The following USP39 variants were observed in gnomAD, a reference collection of about 807,000 sequenced individuals.
The protein encoded by USP39 is ubiquitin carboxyl-terminal hydrolase 39.
Under a neutral mutation model 66.4 loss-of-function variants are expected in USP39, and 38 were observed. That is an observed-to-expected ratio of 0.57 (90% CI 0.44 to 0.75). The LOEUF (loss-of-function observed/expected upper bound fraction) is 0.75. Among genes scored for constraint, USP39 ranks in the 30% least tolerant of loss-of-function variants. USP39 has a pLI of 0.00. For missense variants in USP39, 608 were observed against 714.4 expected, an observed-to-expected ratio of 0.85 and a Z score of 1.70; for synonymous variants, 303 against 274.6, an observed-to-expected ratio of 1.10 and a Z score of -1.02.
upstream of USP39, among the ~76,000 whole-genome samples, chr2:85,615,625 GC>G (rs1271732644): frequency 1.1e-4 from 16 of 152,192 alleles, no homozygotes; most frequent in African/African-American, 3.6e-4. Flanking sequence ...CAAATCTGGG[GC>G]CGAATGACAG....
At position 85,636,076 on chromosome 2, in the gene USP39, T is replaced by C. The variant is rs374381478; in HGVS notation, c.973T>C (p.Trp325Arg). 1.2e-6 allele frequency: 2 copies of C among 1,614,044 alleles called. No homozygotes were observed. The highest frequency in any genetic ancestry group is 1.3e-5 in the African/African-American group (1 of 74,904). The change falls in exon 7 of 13, where the codon TGG (tryptophan) becomes CGG (arginine). Residue 325 changes from tryptophan to arginine, a missense_variant. Around this residue, in one of 6 missense-constraint regions of USP39, gnomAD observed 72 missense variants for 60.1 expected, o/e 1.20. Coordinates refer to ENST00000323701, the MANE Select transcript of USP39 (RefSeq NM_006590.4). ...KQGDGVDFLS[W>R]FLNALHSALG... is the part of the protein sequence containing the mutation. ...AGGAGATGGCGTTGACTTTCTGTCT[T>C]GGTTTCTGAATGCTCTGCACTCAGC...
Position 85,619,215 on chromosome 2 carries a change from T to C in USP39, c.269-5T>C, listed in dbSNP as rs1204532429. 1 of 1,613,822 alleles carries C rather than the reference T, an allele frequency of 6.2e-7. No homozygotes were observed. The highest frequency in any genetic ancestry group is 8.5e-7 in the Non-Finnish European group (1 of 1,179,972). On this transcript the variant is annotated splice_region_variant and splice_polypyrimidine_tract_variant and intron_variant, in intron 1 of 12. Transcript: ENST00000323701. ...TTTCAAAGCCTGTGATGATTTTCCTTTCAGCAAAGAATGGCCGAGTGGATT... is the reference window on the plus strand; with the variant it reads ...TTTCAAAGCCTGTGATGATTTTCCTCTCAGCAAAGAATGGCCGAGTGGATT...
At chr2:85,628,015 A>T (rs1675004825) in intron 5 of USP39, among the ~76,000 whole-genome samples, 1 of 152,070 alleles carries the variant, frequency 6.6e-6, no homozygotes, top group East Asian at 1.9e-4. Flanking sequence ...ATTGGACAAA[A>T]AACTGTAAAG....
chr2:85,616,671 C>T (rs1471034600), intron 1 of USP39, among the ~76,000 whole-genome samples: 7 of 109,132 alleles, frequency 6.4e-5, no homozygotes, highest in Non-Finnish European at 8.5e-5. Context: ...TATAGTATTT[C>T]TTTTTTCTTT....
At chr2:85,648,150 G>A (rs1045642293) in intron 12 of USP39, 134 bp downstream of exon 12, 13 of 803,580 alleles carry the variant, frequency 1.6e-5, no homozygotes, top group African/African-American at 1.0e-4. Flanking sequence ...GAAGTACTTA[G>A]TAGTGAGTTG....
At chr2:85,634,555 C>T (rs755068074) in intron 6 of USP39, among the ~76,000 whole-genome samples, 9 of 152,198 alleles carry the variant, frequency 5.9e-5, no homozygotes, top group Non-Finnish European at 1.5e-5. Flanking sequence ...GCCTGGGTGA[C>T]AGAGTGAGAC....
upstream of USP39, chr2:85,611,423 G>A (rs980060729): frequency 5.9e-5 from 90 of 1,513,720 alleles, 1 homozygote; most frequent in Non-Finnish European, 9.7e-6. Context: ...GGGGCAAACC[G>A]GCAGATAAAC....
intron 8 of USP39, 94 bp downstream of exon 8, chr2:85,637,530 T>C (rs1675866890): frequency 2.1e-6 from 3 of 1,400,918 alleles, no homozygotes; most frequent in Non-Finnish European, 3.0e-6. Context: ...ACAAGCCTGC[T>C]TGCCCTGTGA....
At chr2:85,648,699 T>G in intron 12 of USP39, 62 bp from the exon 13 acceptor site, 1 of 1,578,682 alleles carries the variant, frequency 6.3e-7, no homozygotes, top group Non-Finnish European at 8.7e-7. Context: ...GAATAGGTAT[T>G]TGATAAGTGT....
At chr2:85,632,050 A>G (rs1409549490) in intron 6 of USP39, among the ~76,000 whole-genome samples, 1 of 151,960 alleles carries the variant, frequency 6.6e-6, no homozygotes, top group East Asian at 1.9e-4. Flanking sequence ...CCTCTGATGA[A>G]CTATTTTGAC....
rs552542357 is a variant in USP39 at position 85,616,296 on chromosome 2, G to C, written c.101G>C (p.Arg34Pro). 2 of 1,569,460 alleles carry C rather than the reference G, an allele frequency of 1.3e-6. No homozygotes were observed. The highest frequency in any genetic ancestry group is 1.2e-5 in the South Asian group (1 of 86,726). The change falls in exon 1 of 13, where the codon CGG becomes CCG. Residue 34 changes from arginine to proline, a missense_variant. Physicochemically the swap from Arg to Pro is moderately radical, Grantham distance 103 (BLOSUM62 -2). This residue lies in a region of USP39 where 207 missense variants were observed against 145.7 expected (regional missense o/e 1.42). Transcript: ENST00000323701. ...SSGRVKRERD[R>P]EREPEAASSR... ...GGTCGCGTCAAGCGGGAGCGAGATC[G>C]GGAGCGGGAGCCTGAGGCGGCGAGC...
At position 85,616,483 on chromosome 2, in the gene USP39, GC is replaced by G. The variant is rs774242217; in HGVS notation, c.268+21del. 6.9e-6 allele frequency: 10 copies of G among 1,451,676 alleles called. No individual in the cohort carries two copies. The highest frequency in any genetic ancestry group is 6.4e-6 in the Non-Finnish European group (7 of 1,093,066). The allele number at this position is 1,451,676 out of a possible 1,614,324, so 89.9% of individuals were successfully genotyped here. ...TGCGAGGTGCGCGGGGCCGGGCCGG[GC>G]TAGGCGCGAGAGCCTGTTTTTTTCG... On this transcript the variant is annotated intron_variant, in intron 1 of 12. Coordinates refer to ENST00000323701, the MANE Select transcript of USP39 (RefSeq NM_006590.4).
rs1675254838 is a variant in USP39, at chr2:85,630,741, T to A, written c.744T>A (p.Pro248=). The stretch of plus-strand genomic sequence containing the variant: ...TTTAGGCTCTATCTAATGTTCCTCC[T>A]CTCCGGAACTACTTTCTGGAAGAAG... ...AVLQALSNVP[P]LRNYFLEEDN... Residue 248 remains proline (P), a synonymous_variant, in exon 6 of 13, where the codon CCT becomes CCA. Transcript: ENST00000323701. 6.2e-7 allele frequency: 1 copy of A among 1,614,152 alleles called. No individual in the cohort carries two copies. The highest frequency in any genetic ancestry group is 1.3e-5 in the African/African-American group (1 of 75,038).
At chr2:85,635,880 C>G (rs1021215866) in intron 6 of USP39, among the ~76,000 whole-genome samples, 173 bp from the exon 7 acceptor site, 1 of 151,982 alleles carries the variant, frequency 6.6e-6, no homozygotes, top group Non-Finnish European at 1.5e-5. Context: ...GAGAGCTTGA[C>G]CTTGAGGAGT....
intron 9 of USP39, among the ~76,000 whole-genome samples, chr2:85,640,620 TTTTTTTTTTC>T (rs1309872269): frequency 3.4e-4 from 35 of 102,858 alleles, no homozygotes; most frequent in Admixed American, 2.4e-3. Context: ...TATATATATA[TTTTTTTTTTC>T]TTTTTTTTTC....
At chr2:85,617,209 C>T (rs969880871) in intron 1 of USP39, among the ~76,000 whole-genome samples, 4 of 151,798 alleles carry the variant, frequency 2.6e-5, no homozygotes, top group Non-Finnish European at 5.9e-5. Flanking sequence ...TCACCTCGGC[C>T]TCCCAAAGTG....
At chr2:85,635,992 GGTTTAA>G (rs1553457490) in intron 6 of USP39, 55 bp from the exon 7 acceptor site, 1 of 1,530,816 alleles carries the variant, frequency 6.5e-7, no homozygotes, top group Non-Finnish European at 9.0e-7. Flanking sequence ...ACCAGTGCAT[GGTTTAA>G]GTTAACTCTA....
chr2:85,620,262 C>G (rs915164432), intron 2 of USP39, among the ~76,000 whole-genome samples: 1 of 151,942 alleles, frequency 6.6e-6, no homozygotes, highest in Non-Finnish European at 1.5e-5. Flanking sequence ...AGGCAGATTG[C>G]TTGAGCTCAG....
intron 1 of USP39, among the ~76,000 whole-genome samples, chr2:85,616,847 G>T (rs912934595): frequency 6.6e-6 from 1 of 151,408 alleles, no homozygotes. Flanking sequence ...CCGCCACCAC[G>T]CCCGGCTAAT....
Sources: allele counts gnomAD v4.1 joint callset (sites outside exome capture counted in the v4.1 genomes callset), GRCh38; gene constraint gnomAD v4.1.1; regional missense constraint gnomAD v4.1.1; transcripts MANE v1.5; gene names NCBI Gene and HGNC (gene_info 2026-07-23, HGNC 2026-07-21).